The following DMD variants were observed in gnomAD, a reference collection of about 807,000 sequenced individuals.
The protein encoded by DMD is dystrophin, also known as mutant dystrophin.
A neutral mutation model predicts 330.1 loss-of-function variants in DMD; 63 were observed. The observed-to-expected ratio is 0.19, with a 90% confidence interval of 0.16 to 0.24. The LOEUF (loss-of-function observed/expected upper bound fraction) is 0.24. Ranked by LOEUF, DMD falls within the 10% of genes least tolerant of loss-of-function variation. The pLI, the probability that DMD is intolerant of heterozygous loss-of-function variation, is 1.00. For synonymous variants in DMD, 1,223 were observed against 959.8 expected, an observed-to-expected ratio of 1.27 and a Z score of -5.07; for missense variants, 3,344 against 2,684.1, an observed-to-expected ratio of 1.25 and a Z score of -5.43.
chrX:32,853,211 A>G (rs976494780), intron 2 of DMD, among the ~76,000 whole-genome samples: 1 of 112,261 alleles, frequency 8.9e-6, no homozygotes, highest in South Asian at 3.7e-4. Flanking sequence ...GAAATGCTAA[A>G]GAGAATTTAT....
intron 44 of DMD, among the ~76,000 whole-genome samples, chrX:32,199,777 C>G (rs2097024260): frequency 1.5e-5 from 1 of 68,642 alleles, no homozygotes; most frequent in African/African-American, 6.0e-5. Flanking sequence ...CCACGCAAGG[C>G]TTTTGTGTGT....
intron 1 of DMD, among the ~76,000 whole-genome samples, chrX:33,266,991 G>A (rs1352528395): frequency 9.1e-6 from 1 of 110,163 alleles, no homozygotes; most frequent in Non-Finnish European, 1.9e-5. Context: ...GGAAGTCCTA[G>A]CCACAGCAAT....
Position 31,180,409 on chromosome X carries a change from G to T in DMD, c.10047C>A (p.Gly3349=). ...CCACCATGGGATAGTGCATTTTATG[G>T]CCTTTTGCAACTCGACCAGAAAAAA... ...SCFFSGRVAK[G]HKMHYPMVEY... is the part of the protein sequence containing the mutation. The change falls in exon 69 of 79, where the codon GGC becomes GGA. Residue 3349 remains glycine, a synonymous_variant. Coordinates refer to ENST00000357033, the MANE Select transcript of DMD (RefSeq NM_004006.3). The T allele has an allele frequency of 8.3e-7, 1 of 1,209,930 alleles. No homozygotes were observed. The highest frequency in any genetic ancestry group is 1.8e-5 in the South Asian group (1 of 56,935).
intron 7 of DMD, among the ~76,000 whole-genome samples, chrX:32,739,086 T>A (rs771524005): frequency 7.1e-5 from 8 of 112,212 alleles, no homozygotes; most frequent in African/African-American, 2.6e-4. Context: ...AATCAACTAA[T>A]TCATTTAATT....
At chrX:32,302,892 T>A (rs942232106) in intron 42 of DMD, among the ~76,000 whole-genome samples, 20 of 111,219 alleles carry the variant, frequency 1.8e-4, no homozygotes, top group African/African-American at 9.7e-5. Flanking sequence ...TATCTTATGT[T>A]ACTTGCCCAA....
chrX:32,555,762 G>C (rs1460316864), intron 16 of DMD, among the ~76,000 whole-genome samples: 1 of 111,709 alleles, frequency 9.0e-6, no homozygotes, highest in Non-Finnish European at 1.9e-5. Context: ...TGCTGGGATA[G>C]TCCTATGCAG....
intron 17 of DMD, among the ~76,000 whole-genome samples, chrX:32,523,111 C>T (rs913028511): frequency 9.0e-6 from 1 of 111,708 alleles, no homozygotes; most frequent in Non-Finnish European, 1.9e-5. Flanking sequence ...AAGATTTCTA[C>T]TAGGCGTTGA....
At chrX:32,550,863 A>G (rs1056815689) in intron 16 of DMD, among the ~76,000 whole-genome samples, 2 of 111,450 alleles carry the variant, frequency 1.8e-5, no homozygotes, top group African/African-American at 6.5e-5. Flanking sequence ...GAACACCCCT[A>G]TGCACACAAG....
chrX:32,974,671 CA>C (rs1569546690), intron 2 of DMD, among the ~76,000 whole-genome samples: 1 of 111,273 alleles, frequency 9.0e-6, no homozygotes, highest in East Asian at 2.8e-4. Context: ...GGCTTAACAA[CA>C]AACAAACAGT....
chrX:33,287,348 C>T (rs2053448357), intron 1 of DMD, among the ~76,000 whole-genome samples: 1 of 110,103 alleles, frequency 9.1e-6, no homozygotes, highest in Non-Finnish European at 1.9e-5. Flanking sequence ...CTGTCTTCTA[C>T]CTACTAGATG....
intron 30 of DMD, among the ~76,000 whole-genome samples, chrX:32,390,606 T>TCAGC (rs781241737): frequency 4.5e-5 from 5 of 112,163 alleles, no homozygotes; most frequent in Non-Finnish European, 9.4e-5. Flanking sequence ...TCTGTAAGAT[T>TCAGC]CAGCCAACTG....
chrX:32,512,293 T>A lies in DMD; in HGVS notation c.2292+5715A>T, dbSNP rs139827724. On this transcript the variant is annotated intron_variant, in intron 18 of 78. Transcript: ENST00000357033. ...ATAAGTTATGGATCTCTATCAGTCC[T>A]ACTCCGACATTAGAAGTAATTAAGA... is the stretch of plus-strand genomic sequence containing the variant. 8.0e-3 allele frequency among the ~76,000 whole-genome samples: 901 copies of A among 112,026 alleles called. 19 individuals are homozygous for A. Among genetic ancestry groups the A allele is most frequent in the Admixed American group, 0.061 (639 of 10,540 alleles).
At chrX:33,141,400 T>C (rs1234055287) in intron 1 of DMD, among the ~76,000 whole-genome samples, 1 of 111,259 alleles carries the variant, frequency 9.0e-6, no homozygotes, top group Non-Finnish European at 1.9e-5. Flanking sequence ...ACCTCGCTAC[T>C]GGTCAAAAGT....
chrX:31,601,108 T>C (rs922470862), intron 55 of DMD, among the ~76,000 whole-genome samples: 4 of 111,984 alleles, frequency 3.6e-5, no homozygotes, highest in Non-Finnish European at 7.5e-5. Flanking sequence ...TGCGGTACTA[T>C]GTTAATGGGC....
At chrX:31,376,456 C>T (rs974854684) in intron 60 of DMD, among the ~76,000 whole-genome samples, 1 of 111,397 alleles carries the variant, frequency 9.0e-6, no homozygotes, top group African/African-American at 3.3e-5. Flanking sequence ...GGAGAGGGAC[C>T]CATCAAGCTA....
intron 44 of DMD, among the ~76,000 whole-genome samples, chrX:31,996,614 C>T (rs2095588582): frequency 9.0e-6 from 1 of 110,840 alleles, no homozygotes; most frequent in Non-Finnish European, 1.9e-5. Context: ...TAATTGAAAA[C>T]AAAAAAAGTG....
At chrX:32,977,233 G>A (rs2092578119) in intron 2 of DMD, among the ~76,000 whole-genome samples, 1 of 111,021 alleles carries the variant, frequency 9.0e-6, no homozygotes, top group African/African-American at 3.3e-5. Context: ...CCAGGAGGCG[G>A]AGGTTGCATT....
At chrX:32,394,907 A>C (rs2098029524) in intron 30 of DMD, among the ~76,000 whole-genome samples, 1 of 47,210 alleles carries the variant, frequency 2.1e-5, no homozygotes, top group African/African-American at 8.9e-5. Flanking sequence ...AGAGCAAAAA[A>C]CAAAAAAACA....
intron 1 of DMD, among the ~76,000 whole-genome samples, chrX:33,250,344 A>T (rs1298975541): frequency 9.2e-6 from 1 of 108,803 alleles, no homozygotes; most frequent in East Asian, 2.9e-4. Flanking sequence ...TTTCCCTCAC[A>T]TGCGCAGTTC....
Sources: gnomAD v4.1 joint callset for allele counts (sites outside exome capture counted in the v4.1 genomes callset) on GRCh38, gnomAD v4.1.1 for gene constraint, MANE v1.5 for transcripts, NCBI Gene and HGNC (gene_info 2026-07-23, HGNC 2026-07-21) for gene names.